NRG3: variants seen among roughly 807,000 people sequenced by gnomAD.
The protein encoded by NRG3 is neuregulin 3.
Under a neutral mutation model 66.9 loss-of-function variants are expected in NRG3, and 31 were observed. The ratio of observed to expected loss-of-function variants is 0.46; its 90% confidence interval spans 0.35 to 0.63. The LOEUF is 0.63. NRG3 is among the 20% of genes least tolerant of loss of function. The pLI is 0.00. For missense variants in NRG3, 910 were observed against 878.9 expected, an observed-to-expected ratio of 1.04 and a Z score of -0.45; for synonymous variants, 393 against 359.4, an observed-to-expected ratio of 1.09 and a Z score of -1.06.
intron 1 of NRG3, among the ~76,000 whole-genome samples, chr10:81,880,214 T>C (rs1456823701): frequency 1.3e-5 from 2 of 152,182 alleles, no homozygotes; most frequent in Non-Finnish European, 1.5e-5. Context: ...AGGATATTTT[T>C]AGGGCCCTTT....
chr10:82,810,742 A>G (rs1322113344), intron 3 of NRG3, among the ~76,000 whole-genome samples: 3 of 151,084 alleles, frequency 2.0e-5, no homozygotes, highest in Non-Finnish European at 4.4e-5. Flanking sequence ...CAGCCTAAAA[A>G]AAAAAAAAAA....
chr10:82,625,100 G>C (rs1243951420), intron 2 of NRG3, among the ~76,000 whole-genome samples: 1 of 151,638 alleles, frequency 6.6e-6, no homozygotes, highest in Admixed American at 6.6e-5. Context: ...TGTGCTAGTG[G>C]CTTCATAATC....
intron 2 of NRG3, among the ~76,000 whole-genome samples, chr10:82,680,512 T>C (rs943582090): frequency 2.0e-5 from 3 of 152,206 alleles, no homozygotes; most frequent in African/African-American, 7.2e-5. Context: ...GCTAATAAAA[T>C]AGTCTAAAGA....
At chr10:82,655,913 A>T (rs768900101) in intron 2 of NRG3, among the ~76,000 whole-genome samples, 22 of 152,198 alleles carry the variant, frequency 1.4e-4, no homozygotes, top group Non-Finnish European at 1.0e-4. Flanking sequence ...TTTCTCATTC[A>T]TTTTAATAAA....
intron 2 of NRG3, among the ~76,000 whole-genome samples, chr10:82,469,434 G>A (rs1454001045): frequency 6.6e-6 from 1 of 151,702 alleles, no homozygotes; most frequent in Non-Finnish European, 1.5e-5. Flanking sequence ...AAAGGTGAGT[G>A]GCACTTCAGG....
At chr10:82,479,344 C>T (rs1590276594) in intron 2 of NRG3, among the ~76,000 whole-genome samples, 1 of 152,054 alleles carries the variant, frequency 6.6e-6, no homozygotes, top group East Asian at 1.9e-4. Flanking sequence ...ACACATCACA[C>T]CTATAGACAG....
chr10:82,209,537 AT>A (rs891059843), intron 1 of NRG3, among the ~76,000 whole-genome samples: 9 of 152,084 alleles, frequency 5.9e-5, no homozygotes, highest in East Asian at 5.8e-4. Context: ...GCAATCAGAC[AT>A]TTTTTTGACC....
chr10:82,589,838 T>A (rs1452785329), intron 2 of NRG3, among the ~76,000 whole-genome samples: 1 of 152,196 alleles, frequency 6.6e-6, no homozygotes, highest in African/African-American at 2.4e-5. Flanking sequence ...AACTTAAAAA[T>A]CTGTTTTTCT....
At chr10:82,349,989 G>A (rs993841938) in intron 1 of NRG3, among the ~76,000 whole-genome samples, 1 of 152,060 alleles carries the variant, frequency 6.6e-6, no homozygotes, top group Admixed American at 6.5e-5. Flanking sequence ...AGATGAACCC[G>A]GTACCTCAGA....
intron 3 of NRG3, among the ~76,000 whole-genome samples, chr10:82,837,381 A>G (rs762802104): frequency 2.0e-5 from 3 of 152,126 alleles, no homozygotes; most frequent in Admixed American, 2.0e-4. Context: ...CCTCTTACCC[A>G]TTGGCTTATT....
chr10:82,282,720 G>GTT, intron 1 of NRG3, among the ~76,000 whole-genome samples: 1 of 152,112 alleles, frequency 6.6e-6, no homozygotes, highest in Non-Finnish European at 1.5e-5. Flanking sequence ...TGTTAGGAAC[G>GTT]AGGGAGCAAG....
intron 2 of NRG3, among the ~76,000 whole-genome samples, chr10:82,383,477 G>C (rs2085763523): frequency 6.6e-6 from 1 of 151,506 alleles, no homozygotes. Flanking sequence ...GTAATTTTTG[G>C]TTAAATTAGG....
intron 4 of NRG3, among the ~76,000 whole-genome samples, chr10:82,920,666 C>T (rs2132060573): frequency 6.6e-6 from 1 of 152,014 alleles, no homozygotes; most frequent in Non-Finnish European, 1.5e-5. Context: ...AGGACTACAG[C>T]AGGGAATATA....
intron 1 of NRG3, among the ~76,000 whole-genome samples, chr10:81,953,172 G>A (rs1849534232): frequency 6.6e-6 from 1 of 152,086 alleles, no homozygotes; most frequent in Non-Finnish European, 1.5e-5. Flanking sequence ...CTGTGATCCT[G>A]TGGCTAGGTA....
intron 1 of NRG3, among the ~76,000 whole-genome samples, chr10:82,127,602 A>C (rs998479382): frequency 1.3e-5 from 2 of 152,050 alleles, no homozygotes; most frequent in African/African-American, 4.8e-5. Context: ...TATTTGGCTA[A>C]CTTCCTTGTA....
chr10:82,495,929 T>A (rs1240756988), intron 2 of NRG3, among the ~76,000 whole-genome samples: 2 of 152,136 alleles, frequency 1.3e-5, no homozygotes, highest in Admixed American at 1.3e-4. Context: ...GCCTAAAGAA[T>A]GTAGGACTAT....
At chr10:82,463,080 AT>A (rs1445878567) in intron 2 of NRG3, among the ~76,000 whole-genome samples, 2 of 152,146 alleles carry the variant, frequency 1.3e-5, no homozygotes, top group Admixed American at 6.5e-5. Context: ...TTAGGATTGG[AT>A]GTATCCAGAA....
At chr10:82,027,317 C>T (rs2062358186) in intron 1 of NRG3, among the ~76,000 whole-genome samples, 1 of 152,046 alleles carries the variant, frequency 6.6e-6, no homozygotes, top group Non-Finnish European at 1.5e-5. Flanking sequence ...TTTAATTTCC[C>T]CAGCCTTTTG....
chr10:82,908,244 G>A (rs1290220709), intron 4 of NRG3, among the ~76,000 whole-genome samples: 1 of 152,194 alleles, frequency 6.6e-6, no homozygotes, highest in Non-Finnish European at 1.5e-5. Flanking sequence ...AACTCACTAG[G>A]AAGGAACAAG....
Sources: allele counts gnomAD v4.1 joint callset (sites outside exome capture counted in the v4.1 genomes callset), GRCh38; gene constraint gnomAD v4.1.1; transcripts MANE v1.5; gene names NCBI Gene and HGNC (gene_info 2026-07-23, HGNC 2026-07-21).